SLC8A1: variants seen among roughly 807,000 people sequenced by gnomAD.
SLC8A1 encodes sodium/calcium exchanger 1.
SLC8A1 carries 18 observed loss-of-function variants against 68.3 expected under a neutral mutation model. That is an observed-to-expected ratio of 0.26 (90% CI 0.18 to 0.39). The LOEUF (loss-of-function observed/expected upper bound fraction) is 0.39. Among genes scored for constraint, SLC8A1 ranks in the 10% least tolerant of loss-of-function variants. The probability of loss-of-function intolerance (pLI) is 1.00; values close to 1 mark genes in which losing one functional copy is unlikely to be tolerated. For missense variants in SLC8A1, 985 were observed against 1,156.7 expected, an observed-to-expected ratio of 0.85 and a Z score of 2.15; for synonymous variants, 475 against 415.5, an observed-to-expected ratio of 1.14 and a Z score of -1.74.
intron 1 of SLC8A1, among the ~76,000 whole-genome samples, chr2:40,458,673 CA>C (rs1322511581): frequency 6.6e-6 from 1 of 152,130 alleles, no homozygotes; most frequent in Admixed American, 6.6e-5. Flanking sequence ...AGGAACCACA[CA>C]GAGACAGCAA....
At chr2:40,492,552 C>T (rs1323191493) in intron 1 of SLC8A1, among the ~76,000 whole-genome samples, 4 of 151,328 alleles carry the variant, frequency 2.6e-5, no homozygotes, top group African/African-American at 7.3e-5. Flanking sequence ...TCAGAGTGAA[C>T]AGGCAACCTA....
At chr2:40,383,582 A>G (rs1682617535) in intron 2 of SLC8A1, among the ~76,000 whole-genome samples, 1 of 152,132 alleles carries the variant, frequency 6.6e-6, no homozygotes, top group Non-Finnish European at 1.5e-5. Flanking sequence ...CTCACTAGAG[A>G]AGTAGGTACT....
exon 8 of SLC8A1, chr2:40,109,517 G>C (rs1244960878): frequency 1.3e-5 from 2 of 152,148 alleles, no homozygotes; most frequent in Non-Finnish European, 2.9e-5. Flanking sequence ...TCCATACTAT[G>C]TCCTAGTGAC....
At chr2:40,390,759 C>T (rs915949574) in intron 2 of SLC8A1, among the ~76,000 whole-genome samples, 2 of 152,096 alleles carry the variant, frequency 1.3e-5, no homozygotes, top group Non-Finnish European at 2.9e-5. Context: ...ATTTTAACAT[C>T]AGGGGACTGC....
chr2:40,404,935 G>C (rs557118260), intron 2 of SLC8A1, among the ~76,000 whole-genome samples: 1 of 152,210 alleles, frequency 6.6e-6, no homozygotes, highest in East Asian at 1.9e-4. Context: ...GAAAGCTTGT[G>C]GGTAATAGCA....
chr2:40,337,851 C>G (rs1433894823), intron 2 of SLC8A1, among the ~76,000 whole-genome samples: 1 of 152,132 alleles, frequency 6.6e-6, no homozygotes, highest in East Asian at 1.9e-4. Context: ...TCTTCTTTTT[C>G]ACTGTCAGTT....
At chr2:40,463,394 T>C (rs1246379570) in intron 1 of SLC8A1, among the ~76,000 whole-genome samples, 1 of 152,114 alleles carries the variant, frequency 6.6e-6, no homozygotes, top group Non-Finnish European at 1.5e-5. Flanking sequence ...CGGAATTAAT[T>C]TTTTGCTTTT....
intron 1 of SLC8A1, among the ~76,000 whole-genome samples, chr2:40,445,475 C>T (rs934354354): frequency 6.6e-6 from 1 of 152,160 alleles, no homozygotes; most frequent in Non-Finnish European, 1.5e-5. Context: ...AAAGAGGTAA[C>T]TTGGATGAAA....
At position 40,178,557 on chromosome 2, in the gene SLC8A1, G is replaced by A. The variant is rs565023539; in HGVS notation, c.1809-702C>T. 3 of 1,369,550 alleles carry A rather than the reference G, an allele frequency of 2.2e-6. No individual in the cohort carries two copies. In the South Asian group the frequency reaches 3.6e-5, roughly 16 times the overall value. 84.8% of individuals were successfully genotyped at this position (1,369,550 alleles called of 1,614,324 possible). On this transcript the variant is annotated intron_variant, in intron 2 of 7. Coordinates refer to ENST00000406785, the Ensembl canonical transcript of SLC8A1. ...GGAAAGAGAAGAGAAGGAACATAGA[G>A]AAGAGGAAAGCAAGGTTAACCAGCT... is the stretch of plus-strand genomic sequence containing the variant.
chr2:40,415,743 C>T (rs1053361470), intron 2 of SLC8A1, among the ~76,000 whole-genome samples: 1 of 151,772 alleles, frequency 6.6e-6, no homozygotes, highest in Non-Finnish European at 1.5e-5. Context: ...TTTGGGAGGC[C>T]GAGGTGGGTG....
At position 40,487,611 on chromosome 2, in the gene SLC8A1, A is replaced by T. The variant is rs868619492; in HGVS notation, c.-25+24738T>A. ...TATTAACACAGTAGTCGGGGGAAAA[A>T]TAGTGAATTCCTACTCAACAGAGAA... On this transcript the variant is annotated intron_variant, in intron 1 of 7. Transcript: ENST00000402441. Among the ~76,000 whole-genome samples, 15 of 152,278 alleles carry T rather than the reference A, an allele frequency of 9.9e-5. No homozygotes were observed. The South Asian group carries it at 1.7e-3, about 17-fold the overall frequency.
chr2:40,163,188 G>T (rs758146301), intron 5 of SLC8A1, among the ~76,000 whole-genome samples: 1 of 152,134 alleles, frequency 6.6e-6, no homozygotes, highest in Non-Finnish European at 1.5e-5. Context: ...CATTATAGTG[G>T]TTACCAGAAA....
intron 2 of SLC8A1, among the ~76,000 whole-genome samples, chr2:40,252,463 A>G (rs1442268266): frequency 6.6e-6 from 1 of 151,994 alleles, no homozygotes; most frequent in Non-Finnish European, 1.5e-5. Context: ...CTCCCAAGTA[A>G]CTGGGATGAC....
At chr2:40,170,401 T>C in intron 4 of SLC8A1, 52 bp from the exon 7 acceptor site, 3 of 1,484,638 alleles carry the variant, frequency 2.0e-6, no homozygotes, top group Non-Finnish European at 2.8e-6. Context: ...ATTGATTTGC[T>C]ATCAGAGCTT....
intron 4 of SLC8A1, among the ~76,000 whole-genome samples, chr2:40,173,594 G>T (rs958430521): frequency 1.4e-4 from 21 of 152,192 alleles, no homozygotes; most frequent in African/African-American, 5.1e-4. Context: ...CATTGGAATT[G>T]CTTGTTCATG....
chr2:40,342,044 T>C (rs1485812570), intron 2 of SLC8A1, among the ~76,000 whole-genome samples: 1 of 152,130 alleles, frequency 6.6e-6, no homozygotes, highest in Non-Finnish European at 1.5e-5. Flanking sequence ...TTTAGTTACT[T>C]AGAGAAGGTG....
chr2:40,435,412 G>GA (rs5830627), intron 1 of SLC8A1, among the ~76,000 whole-genome samples: 56 of 149,588 alleles, frequency 3.7e-4, no homozygotes, highest in South Asian at 1.1e-3. Flanking sequence ...CAGATTTCAG[G>GA]AAAAAAAAAA....
At chr2:40,488,037 G>C (rs1295840148) in intron 1 of SLC8A1, among the ~76,000 whole-genome samples, 6 of 152,080 alleles carry the variant, frequency 3.9e-5, no homozygotes, top group Non-Finnish European at 7.3e-5. Context: ...CTGGCTTTGA[G>C]TTTAGCATTA....
intron 2 of SLC8A1, among the ~76,000 whole-genome samples, chr2:40,192,999 A>G (rs985596552): frequency 3.9e-5 from 6 of 152,136 alleles, no homozygotes; most frequent in Admixed American, 1.3e-4. Flanking sequence ...GTATGTGTGC[A>G]TTCCCCGTGA....
Sources: gnomAD v4.1 joint callset for allele counts (sites outside exome capture counted in the v4.1 genomes callset) on GRCh38, gnomAD v4.1.1 for gene constraint, MANE v1.5 for transcripts, NCBI Gene and HGNC (gene_info 2026-07-23, HGNC 2026-07-21) for gene names.